The following SERPINE2 variants were observed in gnomAD, a reference collection of about 807,000 sequenced individuals.
SERPINE2 encodes glia-derived nexin.
SERPINE2 carries 14 observed loss-of-function variants against 36.3 expected under a neutral mutation model. The observed-to-expected ratio is 0.39, with a 90% confidence interval of 0.25 to 0.60. The LOEUF is 0.60. SERPINE2 is among the 20% of genes least tolerant of loss of function. The pLI is 0.57. For synonymous variants in SERPINE2, 192 were observed against 191.8 expected (o/e 1.00, Z -0.01); for missense variants, 418 against 499.6 (o/e 0.84, Z 1.56).
intron 1 of SERPINE2, among the ~76,000 whole-genome samples, chr2:224,008,886 C>T (rs755104829): frequency 6.6e-6 from 1 of 152,152 alleles, no homozygotes; most frequent in Non-Finnish European, 1.5e-5. Flanking sequence ...TGTTTCACAC[C>T]GATGGCTCAA....
intron 3 of SERPINE2, among the ~76,000 whole-genome samples, chr2:223,997,119 C>T (rs1156599983): frequency 6.6e-6 from 1 of 152,178 alleles, no homozygotes; most frequent in African/African-American, 2.4e-5. Flanking sequence ...TCTGTACTCC[C>T]ATCCTTCACA....
In SERPINE2 at chr2:224,001,690, C is replaced by A. The variant is rs138954857; in HGVS notation, c.211G>T (p.Gly71Cys). Reference protein sequence around the residue: ...VLGMLQLGADGRTKKQLAMVM... With the variant: ...VLGMLQLGADCRTKKQLAMVM... ...ATGGCGAGCTGCTTCTTGGTCCTGC[C>A]GTCCGCCCCCAGCTGAAGCATCCCC... Residue 71 changes from glycine to cysteine, a missense_variant, in exon 2 of 9, where the codon GGC becomes TGC. Transcript: ENST00000409304. The A allele has an allele frequency of 1.9e-6, 3 of 1,614,012 alleles. No individual in the cohort carries two copies. Among genetic ancestry groups the A allele is most frequent in the African/African-American group, 1.3e-5 (1 of 74,916 alleles).
chr2:223,975,848 G>T lies in SERPINE2; in HGVS notation c.*19C>A. The T allele has an allele frequency of 6.4e-7, 1 of 1,557,190 alleles. No homozygotes were observed. Among genetic ancestry groups the T allele is most frequent in the Non-Finnish European group, 8.7e-7 (1 of 1,144,342 alleles). ...TAGCAAAGTAGTCGTTGCTTTGCAT[G>T]GTTTCTTTTGTATACTCTTCAGGGT... is the stretch of plus-strand genomic sequence containing the variant. On this transcript the variant is annotated 3_prime_UTR_variant, in exon 9 of 9. Transcript: ENST00000409304.
chr2:223,990,481 T>A (rs1690618843), intron 4 of SERPINE2, among the ~76,000 whole-genome samples: 1 of 152,190 alleles, frequency 6.6e-6, no homozygotes, highest in African/African-American at 2.4e-5. Flanking sequence ...GGAATGTTAA[T>A]GGAATCCTTG....
At chr2:224,029,359 G>A (rs1692285606) in intron 1 of SERPINE2, among the ~76,000 whole-genome samples, 1 of 138,150 alleles carries the variant, frequency 7.2e-6, no homozygotes, top group African/African-American at 2.7e-5. Context: ...AGTCCAAAGT[G>A]GATAACTGCC....
At chr2:223,985,614 T>C (rs1468004372) in intron 4 of SERPINE2, among the ~76,000 whole-genome samples, 2 of 152,140 alleles carry the variant, frequency 1.3e-5, no homozygotes. Flanking sequence ...TATCAACCCT[T>C]CAACAGGCTG....
intron 4 of SERPINE2, among the ~76,000 whole-genome samples, chr2:223,989,013 A>G (rs1291022692): frequency 1.3e-5 from 2 of 152,190 alleles, no homozygotes; most frequent in Non-Finnish European, 1.5e-5. Context: ...CAAACTTGAT[A>G]CTTAATAGGG....
chr2:223,986,168 G>A (rs1209293986), intron 4 of SERPINE2, among the ~76,000 whole-genome samples: 1 of 152,142 alleles, frequency 6.6e-6, no homozygotes, highest in Non-Finnish European at 1.5e-5. Context: ...TGTACTTGAT[G>A]AACACTGAAA....
At chr2:224,015,507 T>C (rs952160713) in intron 1 of SERPINE2, among the ~76,000 whole-genome samples, 2 of 152,206 alleles carry the variant, frequency 1.3e-5, no homozygotes, top group African/African-American at 4.8e-5. Context: ...TGGATTATTC[T>C]GGAAATATTT....
At chr2:223,983,149 A>G (rs1296422591) in intron 5 of SERPINE2, among the ~76,000 whole-genome samples, 1 of 152,216 alleles carries the variant, frequency 6.6e-6, no homozygotes, top group East Asian at 1.9e-4. Context: ...TCTTCCCCAT[A>G]TCCAACTAAA....
intron 7 of SERPINE2, chr2:223,977,946 AAC>A (rs36038738): frequency 0.75 from 193,087 of 255,856 alleles, 79,583 homozygotes; most frequent in Non-Finnish European, 0.92. Flanking sequence ...TAGCTCTTAG[AAC>A]AGTGTTTGCC....
rs866418750 is a variant in SERPINE2, at chr2:224,024,267, A to T, written c.-23+14832T>A. 1.6e-4 allele frequency among the ~76,000 whole-genome samples: 24 copies of T among 152,320 alleles called. 1 individual carries two copies. Among genetic ancestry groups the T allele is most frequent in the Middle Eastern group, 6.8e-3 (2 of 294 alleles). On this transcript the variant is annotated intron_variant, in intron 1 of 8. Coordinates refer to ENST00000409304, the MANE Select transcript of SERPINE2 (RefSeq NM_001136528.2). ...AAGAGTTTGCAAAGAAAATCTCAAAAAAATTTTGTAAAAAGGTGATCACTG... is the reference window on the plus strand; with the variant it reads ...AAGAGTTTGCAAAGAAAATCTCAAATAAATTTTGTAAAAAGGTGATCACTG...
chr2:224,008,002 A>G (rs1357659940), intron 1 of SERPINE2, among the ~76,000 whole-genome samples: 1 of 152,240 alleles, frequency 6.6e-6, no homozygotes, highest in Non-Finnish European at 1.5e-5. Context: ...GGAGCTGAGC[A>G]GAGGTGCCCG....
rs148865683 is a variant in SERPINE2, at chr2:224,001,068, G to T, written c.259+574C>A. Among the ~76,000 whole-genome samples the T allele has an allele frequency of 4.1e-3, 625 of 152,234 alleles. 3 individuals carry two copies. Among genetic ancestry groups the T allele is most frequent in the Non-Finnish European group, 6.5e-3 (439 of 68,016 alleles). On this transcript the variant is annotated intron_variant, in intron 2 of 8. Transcript: ENST00000409304. ...ACCCAGTCTTCCCAGTGGTACCGTC[G>T]TTGCATCAGGAAATTTCCATCAGGT...
At chr2:224,027,315 T>C (rs527569131) in intron 1 of SERPINE2, among the ~76,000 whole-genome samples, 3 of 152,274 alleles carry the variant, frequency 2.0e-5, no homozygotes, top group African/African-American at 4.8e-5. Context: ...GGTGAGGCAA[T>C]GCACAGAAAG....
Position 223,975,902 on chromosome 2 carries a change from C to T in SERPINE2, c.1159G>A (p.Ala387Thr). The T allele has an allele frequency of 6.3e-7, 1 of 1,596,338 alleles. No homozygotes were observed. Among genetic ancestry groups the T allele is most frequent in the Non-Finnish European group, 8.6e-7 (1 of 1,168,196 alleles). Residue 387 changes from alanine (A) to threonine (T), a missense_variant and splice_region_variant, in exon 9 of 9, where the codon GCT (alanine) becomes ACT (threonine). Ala to Thr is a moderately conservative substitution (Grantham distance 58). Coordinates refer to ENST00000409304, the MANE Select transcript of SERPINE2 (RefSeq NM_001136528.2). ...LFFIRHNPTGAVLFMGQINKP is the reference protein window; with the variant it reads ...LFFIRHNPTGTVLFMGQINKP Reference sequence around the variant, plus strand: ...TTTATCTGCCCCATGAATAACACAGCACCTACAGAATTAAAAGAAAACAAT... The same window carrying T: ...TTTATCTGCCCCATGAATAACACAGTACCTACAGAATTAAAAGAAAACAAT...
At chr2:224,007,572 G>C (rs7584131) in intron 1 of SERPINE2, among the ~76,000 whole-genome samples, 1 of 151,908 alleles carries the variant, frequency 6.6e-6, no homozygotes, top group African/African-American at 2.4e-5. Context: ...ATTTAAAATA[G>C]ATATCCATGA....
At chr2:224,036,117 A>G (rs1302813333) in intron 1 of SERPINE2, among the ~76,000 whole-genome samples, 1 of 152,196 alleles carries the variant, frequency 6.6e-6, no homozygotes, top group Non-Finnish European at 1.5e-5. Context: ...TAAGCGCACC[A>G]GACTGCAGGT....
chr2:224,001,972 T>C lies in SERPINE2; in HGVS notation c.-22-50A>G, dbSNP rs769100533. On this transcript the variant is annotated intron_variant, in intron 1 of 8. Transcript: ENST00000409304. ...TTAAATTATACTTAAATGGGTACTT[T>C]ACTACTTTTTTTTTTTTTCCCCCAG... The C allele has an allele frequency of 7.5e-6, 11 of 1,470,376 alleles. No individual in the cohort carries two copies. In the African/African-American group the frequency reaches 1.0e-4, roughly 14 times the overall value. The allele number at this position is 1,470,376 out of a possible 1,614,324, so 91.1% of individuals were successfully genotyped here.
Sources: allele counts gnomAD v4.1 joint callset (sites outside exome capture counted in the v4.1 genomes callset), GRCh38; gene constraint gnomAD v4.1.1; transcripts MANE v1.5; gene names NCBI Gene and HGNC (gene_info 2026-07-23, HGNC 2026-07-21).